Variants in ACACB observed in about 807,000 individuals in gnomAD.
ACACB encodes acetyl-CoA carboxylase 2.
A neutral mutation model predicts 278.8 loss-of-function variants in ACACB; 209 were observed. The ratio of observed to expected loss-of-function variants is 0.75; its 90% CI spans 0.67 to 0.84. The LOEUF (loss-of-function observed/expected upper bound fraction) is 0.84, where lower values mean the gene tolerates loss of function less well. Among genes scored for constraint, ACACB ranks in the 40% least tolerant of loss-of-function variants. ACACB has a pLI of 0.00. For missense variants in ACACB, 2,850 were observed against 3,269.0 expected, an observed-to-expected ratio of 0.87 and a Z score of 3.13; for synonymous variants, 1,174 against 1,285.6, an observed-to-expected ratio of 0.91 and a Z score of 1.86.
At chr12:109,227,540 C>T (rs781384239) in intron 28 of ACACB, 51 bp downstream of exon 28, 41 of 1,544,696 alleles carry the variant, frequency 2.7e-5, no homozygotes, top group Middle Eastern at 1.7e-4. Context: ...TTCTTCCTGA[C>T]CTCTGTCGTC....
At chr12:109,168,706 C>T (rs2044002403) in intron 4 of ACACB, among the ~76,000 whole-genome samples, 1 of 152,126 alleles carries the variant, frequency 6.6e-6, no homozygotes. Context: ...CCTGTAGTCT[C>T]AGCTACTCAG....
At chr12:109,207,596 T>C (rs2045560049) in intron 20 of ACACB, among the ~76,000 whole-genome samples, 1 of 152,232 alleles carries the variant, frequency 6.6e-6, no homozygotes, top group Non-Finnish European at 1.5e-5. Context: ...CACTGTGTGC[T>C]GTACCGGGTC....
At position 109,228,234 on chromosome 12, in the gene ACACB, G is replaced by A. The variant is rs576946668; in HGVS notation, c.4001+745G>A. Among the ~76,000 whole-genome samples, 15 of 151,876 alleles carry A rather than the reference G, an allele frequency of 9.9e-5. No individual in the cohort carries two copies. In the South Asian group the frequency reaches 1.2e-3, roughly 13 times the overall value. ...TGCACTGGTAATCCCAGGTACCCGGGAGGCTGAGGGAGAACTGCTCGAACC... is the reference window on the plus strand; with the variant it reads ...TGCACTGGTAATCCCAGGTACCCGGAAGGCTGAGGGAGAACTGCTCGAACC... On this transcript the variant is annotated intron_variant, in intron 28 of 52. Coordinates refer to ENST00000338432, the MANE Select transcript of ACACB (RefSeq NM_001093.4).
intron 24 of ACACB, among the ~76,000 whole-genome samples, chr12:109,218,124 C>T (rs1160363140): frequency 2.0e-5 from 3 of 152,182 alleles, no homozygotes; most frequent in Admixed American, 2.0e-4. Context: ...GATTTTGAGT[C>T]CTGTGTGTGG....
chr12:109,152,982 G>T (rs2043420027), intron 2 of ACACB, among the ~76,000 whole-genome samples: 1 of 151,162 alleles, frequency 6.6e-6, no homozygotes, highest in Non-Finnish European at 1.5e-5. Context: ...TTTAAAATTT[G>T]TTTTCATGTT....
intron 37 of ACACB, among the ~76,000 whole-genome samples, chr12:109,244,664 G>A (rs1301517596): frequency 6.6e-6 from 1 of 151,698 alleles, no homozygotes; most frequent in Non-Finnish European, 1.5e-5. Flanking sequence ...CACTATGTTG[G>A]CCAGGCTGGT....
chr12:109,160,969 T>G (rs957327875), intron 2 of ACACB, among the ~76,000 whole-genome samples: 44 of 152,180 alleles, frequency 2.9e-4, no homozygotes, highest in Non-Finnish European at 7.3e-5. Flanking sequence ...TGTTTGTGTG[T>G]GTAGAAATGG....
At chr12:109,193,086 T>C (rs971162893) in intron 15 of ACACB, among the ~76,000 whole-genome samples, 3 of 152,232 alleles carry the variant, frequency 2.0e-5, no homozygotes, top group South Asian at 2.1e-4. Flanking sequence ...GAGACCGTTA[T>C]GGATTTTGCT....
intron 50 of ACACB, 143 bp from the exon 51 acceptor site, chr12:109,264,967 C>A: frequency 1.1e-6 from 1 of 931,082 alleles, no homozygotes; most frequent in Non-Finnish European, 1.6e-6. Context: ...CTCCCTGAGC[C>A]TCAGCTTACT....
chr12:109,201,815 GC>G, intron 19 of ACACB, 114 bp downstream of exon 19: 2 of 1,394,400 alleles, frequency 1.4e-6, no homozygotes, highest in South Asian at 1.4e-5. Flanking sequence ...GCCTCCACCT[GC>G]AGACAGAGCT....
At chr12:109,167,241 C>T (rs950973632) in intron 3 of ACACB, 1 of 484,344 alleles carries the variant, frequency 2.1e-6, no homozygotes, top group Non-Finnish European at 3.7e-6. Context: ...GTAAAACACT[C>T]AAAAAGTGTT....
At chr12:109,230,046 C>T (rs978881656) in intron 28 of ACACB, among the ~76,000 whole-genome samples, 6 of 152,200 alleles carry the variant, frequency 3.9e-5, no homozygotes, top group Non-Finnish European at 8.8e-5. Flanking sequence ...GCCTTACCTA[C>T]GGCGGCATTG....
In ACACB at chr12:109,210,299, GTA is replaced by G. The variant is rs1295528495; in HGVS notation, c.3249+953_3249+954del. ...TACACACACATATCTGTGTGTATAT[GTA>G]TATATACACACACATATCTGTGTAT... On this transcript the variant is annotated intron_variant, in intron 21 of 52. Transcript: ENST00000338432. 1.3e-4 allele frequency among the ~76,000 whole-genome samples: 11 copies of G among 83,956 alleles called. 1 individual carries two copies. The highest frequency in any genetic ancestry group is 4.6e-4 in the African/African-American group (8 of 17,260). 55.1% of individuals were successfully genotyped at this position (83,956 alleles called of 152,430 possible).
chr12:109,223,945 G>A, intron 27 of ACACB, 41 bp downstream of exon 27: 1 of 1,543,230 alleles, frequency 6.5e-7, no homozygotes. Context: ...GACCATGCCA[G>A]TTCTAGTGTT....
intron 52 of ACACB, 102 bp from the exon 53 acceptor site, chr12:109,266,134 T>C: frequency 7.0e-7 from 1 of 1,429,240 alleles, no homozygotes; most frequent in Non-Finnish European, 9.4e-7. Flanking sequence ...ACTCGGGAGC[T>C]CTGGGTTCTG....
intron 36 of ACACB, chr12:109,241,775 G>A (rs2046806116): frequency 1.8e-5 from 3 of 166,436 alleles, no homozygotes; most frequent in South Asian, 3.2e-4. Context: ...TGAATTAAAT[G>A]TTCTTTTGAC....
Position 109,206,833 on chromosome 12 carries a change from C to A in ACACB, c.3037C>A (p.Pro1013Thr). ...LTNVMSGFCL[P>T]EPVFSIKLKE... ...CAACGTCATGAGTGGCTTTTGTCTG[C>A]CAGAGCCCGTTTTTAGCATAAAGGT... is the stretch of plus-strand genomic sequence containing the variant. The change falls in exon 20 of 53, where the codon CCA becomes ACA. Residue 1013 changes from proline (P) to threonine (T), a missense_variant. Transcript: ENST00000338432. 8.7e-6 allele frequency: 14 copies of A among 1,614,120 alleles called. No homozygotes were observed. Among genetic ancestry groups the A allele is most frequent in the Non-Finnish European group, 1.1e-5 (13 of 1,180,034 alleles).
At chr12:109,174,545 T>C (rs1476326971) in intron 7 of ACACB, among the ~76,000 whole-genome samples, 1 of 134,718 alleles carries the variant, frequency 7.4e-6, no homozygotes, top group East Asian at 2.5e-4. Flanking sequence ...CCATATTCTT[T>C]GGGAAAAAAA....
intron 19 of ACACB, among the ~76,000 whole-genome samples, chr12:109,205,845 G>A (rs2045488641): frequency 6.6e-6 from 1 of 152,118 alleles, no homozygotes; most frequent in Non-Finnish European, 1.5e-5. Context: ...GAAACGGAGT[G>A]TTCTCTGCTG....
Sources: allele counts gnomAD v4.1 joint callset (sites outside exome capture counted in the v4.1 genomes callset), GRCh38; gene constraint gnomAD v4.1.1; transcripts MANE v1.5; gene names NCBI Gene and HGNC (gene_info 2026-07-23, HGNC 2026-07-21).